ST6GAL1: variants seen among roughly 807,000 people sequenced by gnomAD.
ST6GAL1 encodes ST6 beta-galactoside alpha-2,6-sialyltransferase 1.
ST6GAL1 carries 20 observed loss-of-function variants against 38.0 expected under a neutral mutation model. The observed-to-expected ratio is 0.53, with a 90% CI of 0.37 to 0.77. The LOEUF (loss-of-function observed/expected upper bound fraction) is 0.77. ST6GAL1 is among the 30% of genes least tolerant of loss of function. ST6GAL1 has a pLI of 0.00. For synonymous variants in ST6GAL1, 196 were observed against 188.2 expected, an observed-to-expected ratio of 1.04 and a Z score of -0.34; for missense variants, 432 against 496.4, an observed-to-expected ratio of 0.87 and a Z score of 1.23.
rs180983363 is a variant in ST6GAL1, at chr3:187,041,036, G to A, written c.-50-1618G>A. On this transcript the variant is annotated intron_variant, in intron 3 of 7. Coordinates refer to ENST00000169298, the MANE Select transcript of ST6GAL1 (RefSeq NM_173216.2). ...CTTCACACTGCTGTCTTCACTACCC[G>A]TATCACCTCCACATGGCCCCCAGGC... Among the ~76,000 whole-genome samples, 15 of 152,258 alleles carry A rather than the reference G, an allele frequency of 9.9e-5. No homozygotes were observed. The East Asian group carries it at 1.9e-3, about 20-fold the overall frequency.
chr3:187,066,359 CTCT>C (rs1229058231), intron 5 of ST6GAL1, among the ~76,000 whole-genome samples: 1 of 152,164 alleles, frequency 6.6e-6, no homozygotes, highest in South Asian at 2.1e-4. Context: ...CTCTGCGGGT[CTCT>C]TCTTGTTGTA....
rs374995643 is a variant in ST6GAL1, at chr3:187,035,932, G to A, written c.-182-2810G>A. On this transcript the variant is annotated intron_variant, in intron 2 of 7. Coordinates refer to ENST00000169298, the MANE Select transcript of ST6GAL1 (RefSeq NM_173216.2). ...GATCTAATTAAACTAAAGAGCTTTTGTGCAGCAAAAGAAACTATCAACAGA... is the reference window on the plus strand; with the variant it reads ...GATCTAATTAAACTAAAGAGCTTTTATGCAGCAAAAGAAACTATCAACAGA... 8.0e-4 allele frequency among the ~76,000 whole-genome samples: 94 copies of A among 117,892 alleles called. 2 individuals are homozygous for A. Among genetic ancestry groups the A allele is most frequent in the African/African-American group, 3.5e-3 (88 of 24,950 alleles). 77.3% of individuals were successfully genotyped at this position (117,892 alleles called of 152,430 possible).
intron 1 of ST6GAL1, among the ~76,000 whole-genome samples, chr3:186,949,200 C>T (rs1714491076): frequency 6.6e-6 from 1 of 152,128 alleles, no homozygotes; most frequent in African/African-American, 2.4e-5. Context: ...AAGCTTGGGA[C>T]CTTGTTCTTC....
chr3:186,949,831 T>A (rs564466840), intron 1 of ST6GAL1, among the ~76,000 whole-genome samples: 32 of 152,370 alleles, frequency 2.1e-4, no homozygotes, highest in Middle Eastern at 3.4e-3. Context: ...CCTGTCTTAG[T>A]CTATATTCAT....
chr3:187,037,732 C>T (rs751476604), intron 2 of ST6GAL1, among the ~76,000 whole-genome samples: 58 of 152,130 alleles, frequency 3.8e-4, no homozygotes, highest in Non-Finnish European at 7.4e-4. Flanking sequence ...GCATGCACGC[C>T]TGGCTTATTT....
chr3:186,987,815 A>G (rs1347158274), intron 2 of ST6GAL1, among the ~76,000 whole-genome samples: 1 of 152,074 alleles, frequency 6.6e-6, no homozygotes, highest in Admixed American at 6.5e-5. Flanking sequence ...TAAGGGAATT[A>G]TTATTATCAT....
At chr3:186,988,228 T>C (rs1183466479) in intron 2 of ST6GAL1, among the ~76,000 whole-genome samples, 4 of 152,142 alleles carry the variant, frequency 2.6e-5, no homozygotes, top group African/African-American at 7.2e-5. Context: ...ACATGGTAAA[T>C]GTGGACTGGA....
chr3:186,983,026 T>C (rs1359401634), intron 2 of ST6GAL1, among the ~76,000 whole-genome samples: 1 of 152,124 alleles, frequency 6.6e-6, no homozygotes, highest in African/African-American at 2.4e-5. Flanking sequence ...TTTATTTGGC[T>C]GCTTTGTTTT....
intron 1 of ST6GAL1, among the ~76,000 whole-genome samples, chr3:186,954,042 T>C (rs943065239): frequency 6.6e-6 from 1 of 152,134 alleles, no homozygotes; most frequent in Admixed American, 6.5e-5. Flanking sequence ...CCATGTGTTC[T>C]TATTGTTTAG....
intron 4 of ST6GAL1, among the ~76,000 whole-genome samples, chr3:187,046,133 C>G (rs1718286874): frequency 6.6e-6 from 1 of 152,202 alleles, no homozygotes; most frequent in African/African-American, 2.4e-5. Flanking sequence ...TTGCCACAAC[C>G]AGGTCAGAAG....
intron 2 of ST6GAL1, among the ~76,000 whole-genome samples, chr3:187,019,026 G>A (rs1328860718): frequency 2.0e-5 from 3 of 152,314 alleles, no homozygotes; most frequent in East Asian, 3.9e-4. Context: ...TGTGGTAGTC[G>A]TGGCAATCTC....
intron 1 of ST6GAL1, among the ~76,000 whole-genome samples, chr3:186,937,943 G>A (rs542725494): frequency 2.0e-5 from 3 of 152,226 alleles, no homozygotes; most frequent in Admixed American, 6.5e-5. Context: ...GCGTGGTGGC[G>A]GGTGCCTATA....
At chr3:186,963,265 T>C (rs913617023) in intron 1 of ST6GAL1, among the ~76,000 whole-genome samples, 14 of 152,154 alleles carry the variant, frequency 9.2e-5, no homozygotes, top group African/African-American at 3.4e-4. Context: ...GCTCTTGTTG[T>C]CCAGGCTGGA....
intron 2 of ST6GAL1, among the ~76,000 whole-genome samples, chr3:186,979,657 G>A (rs1474029193): frequency 6.6e-6 from 1 of 152,200 alleles, no homozygotes; most frequent in Non-Finnish European, 1.5e-5. Context: ...AACGTGAGCT[G>A]AATTCAAACA....
chr3:187,001,573 A>G (rs892599266), intron 2 of ST6GAL1, among the ~76,000 whole-genome samples: 22 of 152,178 alleles, frequency 1.4e-4, no homozygotes, highest in African/African-American at 4.6e-4. Context: ...GGATTATGGC[A>G]TCTACTTCAG....
chr3:186,977,111 T>C (rs1214685072), intron 2 of ST6GAL1, among the ~76,000 whole-genome samples: 1 of 152,226 alleles, frequency 6.6e-6, no homozygotes, highest in Non-Finnish European at 1.5e-5. Flanking sequence ...CATGACCCGA[T>C]TTGCTCCTCA....
rs1158150229 is a variant in ST6GAL1 at position 187,076,201 on chromosome 3, T to A, written c.*398T>A. 4 of 181,806 alleles carry A rather than the reference T, an allele frequency of 2.2e-5. No homozygotes were observed. In the East Asian group the frequency reaches 5.8e-4, roughly 26 times the overall value. The allele number at this position is 181,806 out of a possible 1,614,324, so 11.3% of individuals were successfully genotyped here. Reference sequence around the variant, plus strand: ...ATTGCTTGAAGTCTGCATCTAAATATTGATTTCACGTTTTAAAGAAATTCT... The same window carrying A: ...ATTGCTTGAAGTCTGCATCTAAATAATGATTTCACGTTTTAAAGAAATTCT... On this transcript the variant is annotated 3_prime_UTR_variant, in exon 8 of 8. Transcript: ENST00000169298.
Position 187,043,290 on chromosome 3 carries a change from C to T in ST6GAL1, c.587C>T (p.Ser196Phe), listed in dbSNP as rs1471375432. The T allele has an allele frequency of 3.7e-6, 6 of 1,613,664 alleles. No individual in the cohort carries two copies. Among genetic ancestry groups the T allele is most frequent in the South Asian group, 1.1e-5 (1 of 91,024 alleles). ...VVSSAGSLKSSQLGREIDDHD... is the reference protein window; with the variant it reads ...VVSSAGSLKSFQLGREIDDHD... ...TCGTCAGCGGGATCTCTGAAGTCCT[C>T]CCAACTAGGCAGAGAAATCGGTATG... Residue 196 changes from serine to phenylalanine, a missense_variant, in exon 4 of 8, where the codon TCC becomes TTC. Physicochemically the swap from Ser to Phe is radical, Grantham distance 155. Coordinates refer to ENST00000169298, the MANE Select transcript of ST6GAL1 (RefSeq NM_173216.2).
intron 2 of ST6GAL1, among the ~76,000 whole-genome samples, chr3:187,017,466 G>T (rs1717153732): frequency 6.6e-6 from 1 of 152,024 alleles, no homozygotes; most frequent in Non-Finnish European, 1.5e-5. Context: ...TCACCTTCAT[G>T]GCTGTGAGAT....
Sources: gnomAD v4.1 joint callset for allele counts (sites outside exome capture counted in the v4.1 genomes callset) on GRCh38, gnomAD v4.1.1 for gene constraint, MANE v1.5 for transcripts, NCBI Gene and HGNC (gene_info 2026-07-23, HGNC 2026-07-21) for gene names.